The following PAN3 variants were observed in gnomAD, a reference collection of about 807,000 sequenced individuals.
PAN3 encodes the protein PAN2-PAN3 deadenylation complex subunit PAN3.
Under a neutral mutation model 96.2 loss-of-function variants are expected in PAN3, and 19 were observed. That is an observed-to-expected ratio of 0.20 (90% confidence interval 0.14 to 0.29). The LOEUF is 0.29. Ranked by LOEUF, PAN3 falls within the 10% of genes least tolerant of loss-of-function variation. The pLI, the probability that PAN3 is intolerant of heterozygous loss-of-function variation, is 1.00. For synonymous variants in PAN3, 433 were observed against 406.6 expected (o/e 1.06, Z -0.78); for missense variants, 882 against 1,108.1 (o/e 0.80, Z 2.90).
At chr13:28,189,527 AACAAAACAAAAC>A (rs373875645) in intron 4 of PAN3, among the ~76,000 whole-genome samples, 13 of 139,868 alleles carry the variant, frequency 9.3e-5, no homozygotes, top group African/African-American at 3.5e-4. Context: ...AAAACAAAAA[AACAAAACAAAAC>A]AAAAAAACTC....
intron 5 of PAN3, among the ~76,000 whole-genome samples, chr13:28,218,624 A>G (rs1881060979): frequency 6.6e-6 from 1 of 152,324 alleles, no homozygotes; most frequent in African/African-American, 2.4e-5. Flanking sequence ...TATGAAAGGT[A>G]GAATGGACCT....
chr13:28,227,818 A>G (rs1882159991), intron 6 of PAN3, among the ~76,000 whole-genome samples: 1 of 152,212 alleles, frequency 6.6e-6, no homozygotes, highest in African/African-American at 2.4e-5. Context: ...TAAATAGAAA[A>G]TCTTCCCATG....
chr13:28,287,587 T>A (rs983933013), intron 17 of PAN3, among the ~76,000 whole-genome samples: 11 of 152,234 alleles, frequency 7.2e-5, no homozygotes, highest in African/African-American at 2.7e-4. Flanking sequence ...CCTTTTTGTT[T>A]CCTAAACATT....
At chr13:28,248,556 G>T (rs967785174) in intron 6 of PAN3, among the ~76,000 whole-genome samples, 1 of 151,702 alleles carries the variant, frequency 6.6e-6, no homozygotes, top group Non-Finnish European at 1.5e-5. Context: ...ACAGGGACTC[G>T]CTCTGTCACT....
chr13:28,180,698 A>G (rs1331180418), intron 4 of PAN3, among the ~76,000 whole-genome samples: 1 of 152,206 alleles, frequency 6.6e-6, no homozygotes, highest in African/African-American at 2.4e-5. Context: ...AGTGAGGTAA[A>G]TTATTTTCTG....
intron 1 of PAN3, among the ~76,000 whole-genome samples, chr13:28,151,312 A>G (rs1188843288): frequency 3.3e-5 from 5 of 152,082 alleles, no homozygotes; most frequent in Admixed American, 2.6e-4. Context: ...TCAGGAGATC[A>G]AGACCATCCT....
chr13:28,173,312 A>G (rs1467874425), intron 1 of PAN3, among the ~76,000 whole-genome samples: 1 of 152,100 alleles, frequency 6.6e-6, no homozygotes, highest in African/African-American at 2.4e-5. Context: ...CATTGTTTCA[A>G]ATTTCTTGTT....
At chr13:28,246,514 A>T (rs1479775134) in intron 6 of PAN3, among the ~76,000 whole-genome samples, 1 of 152,004 alleles carries the variant, frequency 6.6e-6, no homozygotes, top group Non-Finnish European at 1.5e-5. Context: ...ATACTATTGA[A>T]CCCTAAGTCT....
At chr13:28,239,999 T>A (rs1023361709) in intron 6 of PAN3, 2 of 156,150 alleles carry the variant, frequency 1.3e-5, no homozygotes, top group African/African-American at 4.8e-5. Flanking sequence ...TTCTCTCAAG[T>A]AAACTTTTTG....
chr13:28,156,953 C>T (rs531217116), intron 1 of PAN3, among the ~76,000 whole-genome samples: 2 of 136,944 alleles, frequency 1.5e-5, no homozygotes, highest in African/African-American at 5.7e-5. Flanking sequence ...TGAGATTGGG[C>T]CATGGTACTC....
In PAN3 at chr13:28,293,476, T is replaced by A. The variant is rs1566269429; in HGVS notation, c.*954T>A. 1 of 142,898 alleles carries A rather than the reference T, an allele frequency of 7.0e-6. No individual in the cohort carries two copies. Among genetic ancestry groups the A allele is most frequent in the Non-Finnish European group, 1.5e-5 (1 of 66,540 alleles). 8.9% of individuals were successfully genotyped at this position (142,898 alleles called of 1,614,324 possible). A position where few individuals can be genotyped will look rare whatever the true frequency, so the allele number is the denominator to read the frequency against. On this transcript the variant is annotated 3_prime_UTR_variant, in exon 19 of 19. Coordinates refer to ENST00000380958, the MANE Select transcript of PAN3 (RefSeq NM_175854.8). ...GAACCACAGCTTTATTATGGTCCTT[T>A]ACACTGGAGACAGACACAGAGACAC...
chr13:28,216,976 C>T (rs1264376744), intron 5 of PAN3, among the ~76,000 whole-genome samples: 3 of 151,372 alleles, frequency 2.0e-5, no homozygotes, highest in South Asian at 4.2e-4. Flanking sequence ...TAGCCGGGTG[C>T]GGTGGCGGGC....
chr13:28,182,574 G>C (rs1482851445), intron 4 of PAN3, among the ~76,000 whole-genome samples: 5 of 152,094 alleles, frequency 3.3e-5, no homozygotes, highest in Non-Finnish European at 7.4e-5. Context: ...GGGGTTAGGA[G>C]GCAAAGACTT....
chr13:28,233,556 C>G (rs1882806167), intron 6 of PAN3, among the ~76,000 whole-genome samples: 1 of 152,154 alleles, frequency 6.6e-6, no homozygotes, highest in Admixed American at 6.5e-5. Flanking sequence ...CATGAGCCAC[C>G]ATGACCGGCC....
intron 1 of PAN3, among the ~76,000 whole-genome samples, chr13:28,167,926 A>C (rs1566152379): frequency 6.6e-6 from 1 of 152,128 alleles, no homozygotes; most frequent in Non-Finnish European, 1.5e-5. Context: ...CATCCTCAAC[A>C]CTTTGCTTAG....
chr13:28,180,746 T>C (rs1179159659), intron 4 of PAN3, among the ~76,000 whole-genome samples: 1 of 152,226 alleles, frequency 6.6e-6, no homozygotes, highest in Non-Finnish European at 1.5e-5. Flanking sequence ...CCAGATATGC[T>C]AACTTTTGCC....
intron 1 of PAN3, among the ~76,000 whole-genome samples, chr13:28,143,114 G>T (rs376409681): frequency 0.013 from 2,035 of 151,054 alleles, 43 homozygotes; most frequent in African/African-American, 0.047. Flanking sequence ...TTTTGTTTTT[G>T]TTTTTGTTTT....
intron 6 of PAN3, among the ~76,000 whole-genome samples, chr13:28,237,432 C>T (rs1419794511): frequency 2.0e-5 from 3 of 152,032 alleles, no homozygotes; most frequent in Non-Finnish European, 2.9e-5. Context: ...CATTTCTGCC[C>T]CTAGAGAACC....
chr13:28,212,625 A>G (rs1325440113), intron 5 of PAN3, among the ~76,000 whole-genome samples: 1 of 152,250 alleles, frequency 6.6e-6, no homozygotes, highest in Non-Finnish European at 1.5e-5. Flanking sequence ...ACATGTTAGT[A>G]CAGGAGTGAA....
Sources: gnomAD v4.1 joint callset for allele counts (sites outside exome capture counted in the v4.1 genomes callset) on GRCh38, gnomAD v4.1.1 for gene constraint, MANE v1.5 for transcripts, NCBI Gene and HGNC (gene_info 2026-07-23, HGNC 2026-07-21) for gene names.